Variants in CAPN8 observed in about 807,000 individuals in gnomAD.
The protein encoded by CAPN8 is calpain 8.
In CAPN8, 87 loss-of-function variants were observed where a neutral mutation model predicts 80.9. The observed-to-expected ratio is 1.07, with a 90% CI of 0.90 to 1.28. The LOEUF (loss-of-function observed/expected upper bound fraction) is 1.28. Ranked by LOEUF, CAPN8 falls within the 50% of genes most tolerant of loss-of-function variation. CAPN8 has a pLI of 0.00. For missense variants in CAPN8, 757 were observed against 702.0 expected, an observed-to-expected ratio of 1.08 and a Z score of -0.89; for synonymous variants, 299 against 273.8, an observed-to-expected ratio of 1.09 and a Z score of -0.91.
intron 2 of CAPN8, among the ~76,000 whole-genome samples, chr1:223,637,377 A>C (rs1406356629): frequency 2.0e-5 from 3 of 152,048 alleles, no homozygotes; most frequent in African/African-American, 7.2e-5. Context: ...GCCTGGCTCC[A>C]GCTCTGCCAT....
intron 4 of CAPN8, among the ~76,000 whole-genome samples, chr1:223,627,803 C>A (rs138317427): frequency 6.6e-6 from 1 of 152,200 alleles, no homozygotes; most frequent in East Asian, 1.9e-4. Flanking sequence ...TCACCCGAGG[C>A]AGAGCTGAGA....
At chr1:223,652,957 A>C (rs911399561) in intron 2 of CAPN8, among the ~76,000 whole-genome samples, 5 of 151,916 alleles carry the variant, frequency 3.3e-5, no homozygotes, top group Admixed American at 6.6e-5. Context: ...CTTGCTTAAA[A>C]CTATTCAAAG....
intron 9 of CAPN8, chr1:223,617,857 C>T (rs1371932500): frequency 2.2e-5 from 4 of 179,214 alleles, no homozygotes; most frequent in Non-Finnish European, 4.7e-5. Flanking sequence ...AATGCCCTTC[C>T]CAGAGTCTAA....
intron 9 of CAPN8, chr1:223,618,095 C>T (rs1368085435): frequency 2.5e-6 from 2 of 800,106 alleles, no homozygotes; most frequent in Non-Finnish European, 4.0e-6. Flanking sequence ...ACTGGCCCTG[C>T]CCCATGCGCT....
At chr1:223,542,154 A>G (rs915508318) in intron 20 of CAPN8, among the ~76,000 whole-genome samples, 5 of 152,086 alleles carry the variant, frequency 3.3e-5, no homozygotes, top group Admixed American at 2.6e-4. Flanking sequence ...AATAGTGTAT[A>G]CTATTATATA....
intron 10 of CAPN8, among the ~76,000 whole-genome samples, chr1:223,612,956 G>A (rs1193855853): frequency 6.6e-6 from 1 of 152,106 alleles, no homozygotes; most frequent in African/African-American, 2.4e-5. Context: ...ATTTTCACTA[G>A]CCTAGCTCGA....
chr1:223,637,551 C>T (rs1173726236), intron 2 of CAPN8, among the ~76,000 whole-genome samples: 1 of 152,162 alleles, frequency 6.6e-6, no homozygotes, highest in Non-Finnish European at 1.5e-5. Context: ...TAGCAGGATC[C>T]TCTGTTTAAG....
intron 14 of CAPN8, among the ~76,000 whole-genome samples, chr1:223,551,895 G>C (rs1656795137): frequency 6.6e-6 from 1 of 152,176 alleles, no homozygotes; most frequent in African/African-American, 2.4e-5. Context: ...ACAGGAGTTG[G>C]TATTTCACAT....
intron 13 of CAPN8, among the ~76,000 whole-genome samples, chr1:223,555,578 A>G (rs1000847237): frequency 6.6e-6 from 1 of 152,276 alleles, no homozygotes; most frequent in Non-Finnish European, 1.5e-5. Context: ...CATGTAATAC[A>G]GTATGCCAAA....
chr1:223,542,420 G>C (rs1193282369), intron 20 of CAPN8, among the ~76,000 whole-genome samples: 1 of 152,072 alleles, frequency 6.6e-6, no homozygotes, highest in Non-Finnish European at 1.5e-5. Flanking sequence ...CCTTTCCTGG[G>C]CTACAGGAAA....
Position 223,612,806 on chromosome 1 carries a change from G to A in CAPN8, c.1312-549C>T, listed in dbSNP as rs143047606. Among the ~76,000 whole-genome samples, 4 of 152,246 alleles carry A rather than the reference G, an allele frequency of 2.6e-5. No individual in the cohort carries two copies. The East Asian group carries it at 7.7e-4, about 29-fold the overall frequency. On this transcript the variant is annotated intron_variant, in intron 10 of 20. Coordinates refer to ENST00000366872, the MANE Select transcript of CAPN8 (RefSeq NM_001143962.2). ...CCTTTCTTAATGCTAGTGATATTAGGGAATGAAGAAATCTAGACTAGCACA... is the reference window on the plus strand; with the variant it reads ...CCTTTCTTAATGCTAGTGATATTAGAGAATGAAGAAATCTAGACTAGCACA...
At chr1:223,543,221 ACAAT>A (rs1378815199) in intron 19 of CAPN8, 55 bp from the exon 20 acceptor site, 2 of 1,541,604 alleles carry the variant, frequency 1.3e-6, no homozygotes, top group South Asian at 1.2e-5. Context: ...GGACTTTGGA[ACAAT>A]CAGAGAGCTG....
intron 2 of CAPN8, among the ~76,000 whole-genome samples, chr1:223,639,853 T>A (rs1658002069): frequency 6.6e-6 from 1 of 152,262 alleles, no homozygotes; most frequent in Non-Finnish European, 1.5e-5. Context: ...TGAGTTCAAG[T>A]GACCCCCCAA....
chr1:223,632,708 C>T (rs1181883548), intron 2 of CAPN8, among the ~76,000 whole-genome samples: 2 of 152,142 alleles, frequency 1.3e-5, no homozygotes, highest in Non-Finnish European at 2.9e-5. Flanking sequence ...AGTCAGGAGG[C>T]TTTGACATAC....
At position 223,619,602 on chromosome 1, in the gene CAPN8, C is replaced by T. The variant is rs974593511; in HGVS notation, c.975-149G>A. The stretch of plus-strand genomic sequence containing the variant: ...TTCCTACAGCACACTGATACAAACA[C>T]GCAGAGACAACAGTCCACATTCTTC... On this transcript the variant is annotated intron_variant, in intron 8 of 20. Transcript: ENST00000366872. The T allele has an allele frequency of 4.8e-5, 36 of 754,162 alleles. No individual in the cohort carries two copies. In the African/African-American group the frequency reaches 4.9e-4, roughly 10 times the overall value. 46.7% of individuals were successfully genotyped at this position (754,162 alleles called of 1,614,324 possible). A position where few individuals can be genotyped will look rare whatever the true frequency, so the allele number is the denominator to read the frequency against.
intron 2 of CAPN8, among the ~76,000 whole-genome samples, chr1:223,641,796 A>G (rs1404249782): frequency 6.6e-6 from 1 of 152,198 alleles, no homozygotes; most frequent in Non-Finnish European, 1.5e-5. Context: ...CCACAAGAGG[A>G]AGGAGTGCCT....
chr1:223,628,266 G>T, intron 3 of CAPN8, 124 bp from the exon 4 acceptor site: 1 of 1,136,864 alleles, frequency 8.8e-7, no homozygotes, highest in Non-Finnish European at 1.2e-6. Context: ...CTTAGGAGCA[G>T]GACATGTGTC....
chr1:223,542,497 C>T (rs900734568), intron 20 of CAPN8, among the ~76,000 whole-genome samples: 1 of 152,022 alleles, frequency 6.6e-6, no homozygotes, highest in African/African-American at 2.4e-5. Flanking sequence ...TGGGGCACAG[C>T]CAGTAATAAC....
chr1:223,654,259 C>G (rs1658418311), intron 2 of CAPN8, 71 bp downstream of exon 2: 2 of 1,318,698 alleles, frequency 1.5e-6, no homozygotes, highest in Admixed American at 2.0e-5. Context: ...ACAGCTTCAT[C>G]TGATGTTTAC....
Sources: gnomAD v4.1 joint callset for allele counts (sites outside exome capture counted in the v4.1 genomes callset) on GRCh38, gnomAD v4.1.1 for gene constraint, MANE v1.5 for transcripts, NCBI Gene and HGNC (gene_info 2026-07-23, HGNC 2026-07-21) for gene names.